Variants in EYS observed in about 807,000 individuals in gnomAD.
EYS encodes EGF-like photoreceptor maintenance factor.
In EYS, 250 loss-of-function variants were observed where a neutral mutation model predicts 282.1. The observed-to-expected ratio is 0.89, with a 90% CI of 0.80 to 0.98. The LOEUF is 0.98. EYS is among the 50% of genes least tolerant of loss of function. The pLI is 0.00. For synonymous variants in EYS, 1,355 were observed against 1,282.9 expected (o/e 1.06, Z -1.20); for missense variants, 4,016 against 3,709.0 (o/e 1.08, Z -2.15).
intron 19 of EYS, among the ~76,000 whole-genome samples, chr6:64,829,707 C>T (rs9360088): frequency 0.14 from 20,584 of 151,740 alleles, 1,717 homozygotes; most frequent in East Asian, 0.44. Context: ...TTATAGAATG[C>T]GGTATGCACT....
chr6:63,843,850 C>G (rs997281849), intron 36 of EYS, among the ~76,000 whole-genome samples: 1 of 152,170 alleles, frequency 6.6e-6, no homozygotes, highest in African/African-American at 2.4e-5. Flanking sequence ...TAGAAAACCT[C>G]TTCACCTTTT....
intron 22 of EYS, among the ~76,000 whole-genome samples, chr6:64,781,447 C>G (rs1179205324): frequency 6.6e-6 from 1 of 151,938 alleles, no homozygotes; most frequent in Non-Finnish European, 1.5e-5. Context: ...GGCGGTGGCT[C>G]ACGCCTGTAA....
intron 35 of EYS, among the ~76,000 whole-genome samples, chr6:63,929,060 G>T (rs766532731): frequency 2.0e-5 from 3 of 152,208 alleles, no homozygotes; most frequent in Non-Finnish European, 4.4e-5. Context: ...GAAAGACATT[G>T]CCTGGATTTA....
At chr6:65,398,441 A>G (rs895813965) in intron 7 of EYS, among the ~76,000 whole-genome samples, 1 of 152,042 alleles carries the variant, frequency 6.6e-6, no homozygotes, top group South Asian at 2.1e-4. Context: ...ATAAAACTAG[A>G]CCCCTATCTT....
chr6:64,814,725 A>G (rs1425743808), intron 21 of EYS, among the ~76,000 whole-genome samples: 1 of 152,002 alleles, frequency 6.6e-6, no homozygotes, highest in Non-Finnish European at 1.5e-5. Flanking sequence ...TCATTAGTAA[A>G]ACTGTTTATT....
intron 19 of EYS, among the ~76,000 whole-genome samples, chr6:64,854,598 G>C (rs1489544341): frequency 1.5e-5 from 2 of 132,792 alleles, no homozygotes; most frequent in East Asian, 2.6e-4. Context: ...GTTGTGGGGT[G>C]GGGGGAGGGG....
Position 65,502,822 on chromosome 6 carries a change from A to G in EYS, c.-332-6829T>C, listed in dbSNP as rs371427179. On this transcript the variant is annotated intron_variant, in intron 2 of 42. Transcript: ENST00000503581. The stretch of plus-strand genomic sequence containing the variant: ...CAAAAGTAATATGTACTGGGGAGAA[A>G]GGCCACAGAAGTAAAATCTTCTTTA... Among the ~76,000 whole-genome samples the G allele has an allele frequency of 7.9e-5, 12 of 151,718 alleles. No homozygotes were observed. The South Asian group carries it at 1.2e-3, about 16-fold the overall frequency.
chr6:63,931,914 C>T (rs1764905252), intron 35 of EYS, among the ~76,000 whole-genome samples: 1 of 152,192 alleles, frequency 6.6e-6, no homozygotes, highest in Non-Finnish European at 1.5e-5. Context: ...CCCAGTCTCT[C>T]TTCATCCTCC....
At chr6:64,634,235 G>A (rs1767891418) in intron 22 of EYS, among the ~76,000 whole-genome samples, 1 of 152,108 alleles carries the variant, frequency 6.6e-6, no homozygotes, top group South Asian at 2.1e-4. Context: ...GCCTGCCTTG[G>A]CCTCCCAAAG....
chr6:65,296,665 C>T (rs1768674770), intron 11 of EYS, among the ~76,000 whole-genome samples: 1 of 151,654 alleles, frequency 6.6e-6, no homozygotes, highest in Admixed American at 6.6e-5. Flanking sequence ...TTTAAAATAT[C>T]TGTACTCTTG....
intron 28 of EYS, among the ~76,000 whole-genome samples, chr6:64,424,136 AAGTTG>A (rs1424511295): frequency 6.6e-6 from 1 of 152,184 alleles, no homozygotes; most frequent in Non-Finnish European, 1.5e-5. Flanking sequence ...TTTGACTCAA[AAGTTG>A]AGTTAATGAT....
intron 36 of EYS, among the ~76,000 whole-genome samples, chr6:63,853,113 G>A (rs749428509): frequency 6.6e-6 from 1 of 152,120 alleles, no homozygotes; most frequent in African/African-American, 2.4e-5. Context: ...ATTCAACATA[G>A]TATTGGAAGC....
chr6:64,806,817 GA>G lies in EYS; in HGVS notation c.3443+6560del, dbSNP rs58413511. On this transcript the variant is annotated intron_variant, in intron 22 of 42. Transcript: ENST00000503581. ...TAAGGCAAAGGCAGAGAGCACTATG[GA>G]AAAAAAAAATGCCTGGAACAGGGTT... 9.3e-3 allele frequency among the ~76,000 whole-genome samples: 1,373 copies of G among 147,786 alleles called. 17 individuals carry two copies. Among genetic ancestry groups the G allele is most frequent in the African/African-American group, 0.03 (1,216 of 40,524 alleles).
chr6:65,360,286 A>G (rs1304379997), intron 8 of EYS, among the ~76,000 whole-genome samples: 2 of 152,040 alleles, frequency 1.3e-5, no homozygotes, highest in East Asian at 1.9e-4. Context: ...ATGAATTTAC[A>G]TAAATTAATG....
At chr6:63,933,802 C>T (rs1764969859) in intron 35 of EYS, among the ~76,000 whole-genome samples, 1 of 152,108 alleles carries the variant, frequency 6.6e-6, no homozygotes, top group Non-Finnish European at 1.5e-5. Context: ...CATGTTATCA[C>T]AAGATGGAAC....
At chr6:64,151,299 ACG>A (rs1491359688) in intron 31 of EYS, among the ~76,000 whole-genome samples, 64 of 127,714 alleles carry the variant, frequency 5.0e-4, no homozygotes, top group African/African-American at 1.9e-3. Context: ...ATGTTTTCAC[ACG>A]TGTGTGTGTG....
intron 36 of EYS, among the ~76,000 whole-genome samples, chr6:63,837,175 G>T (rs1203995271): frequency 6.6e-6 from 1 of 152,058 alleles, no homozygotes; most frequent in Non-Finnish European, 1.5e-5. Flanking sequence ...TATTTTGAGT[G>T]ATTCCTAGAG....
At chr6:63,894,730 C>T (rs1322242488) in intron 35 of EYS, among the ~76,000 whole-genome samples, 3 of 151,820 alleles carry the variant, frequency 2.0e-5, no homozygotes, top group Admixed American at 1.3e-4. Flanking sequence ...TACAAGGGCC[C>T]GCCACCATGC....
intron 19 of EYS, among the ~76,000 whole-genome samples, chr6:64,855,416 G>T (rs551150048): frequency 1.3e-5 from 2 of 151,018 alleles, no homozygotes; most frequent in Non-Finnish European, 3.0e-5. Flanking sequence ...CTTATTTTTC[G>T]CTTTTATTCC....
Sources: allele counts gnomAD v4.1 joint callset (sites outside exome capture counted in the v4.1 genomes callset), GRCh38; gene constraint gnomAD v4.1.1; transcripts MANE v1.5; gene names NCBI Gene and HGNC (gene_info 2026-07-23, HGNC 2026-07-21).